LIN28B: variants seen among roughly 807,000 people sequenced by gnomAD.
The protein encoded by LIN28B is lin-28 RNA binding posttranscriptional regulator B.
LIN28B carries 5 observed loss-of-function variants against 21.9 expected under a neutral mutation model. That is an observed-to-expected ratio of 0.23 (90% CI 0.12 to 0.48). The LOEUF (loss-of-function observed/expected upper bound fraction) is 0.48. Ranked by LOEUF, LIN28B falls within the 20% of genes least tolerant of loss-of-function variation. The probability of loss-of-function intolerance (pLI) is 0.98; values close to 1 mark genes in which losing one functional copy is unlikely to be tolerated. For synonymous variants in LIN28B, 109 were observed against 111.3 expected (o/e 0.98, Z 0.13); for missense variants, 245 against 310.5 (o/e 0.79, Z 1.58).
chr6:105,012,680 G>A (rs2114311763), intron 2 of LIN28B, among the ~76,000 whole-genome samples: 1 of 152,204 alleles, frequency 6.6e-6, no homozygotes, highest in South Asian at 2.1e-4. Flanking sequence ...TTGCTCAGTA[G>A]TATTGTACAT....
At chr6:105,019,441 A>G (rs1014652022) in intron 2 of LIN28B, among the ~76,000 whole-genome samples, 1 of 152,182 alleles carries the variant, frequency 6.6e-6, no homozygotes, top group African/African-American at 2.4e-5. Flanking sequence ...TATTTCCTTC[A>G]GTCTCTTTAG....
Position 104,950,771 on chromosome 6 carries a change from A to G in LIN28B, c.67+262A>G, listed in dbSNP as rs1438145102. 3.3e-5 allele frequency among the ~76,000 whole-genome samples: 5 copies of G among 150,122 alleles called. No homozygotes were observed. In the Admixed American group the frequency reaches 3.3e-4, roughly 10 times the overall value. Reference sequence around the variant, plus strand: ...ACTTTTAGCAGTATTGTATTTTGTGATTCCTTTTTCTGTAACTCAAGCAGC... The same window carrying G: ...ACTTTTAGCAGTATTGTATTTTGTGGTTCCTTTTTCTGTAACTCAAGCAGC... On this transcript the variant is annotated intron_variant, in intron 3 of 5. Coordinates refer to the LIN28B transcript ENST00000635857.
intron 3 of LIN28B, among the ~76,000 whole-genome samples, chr6:105,048,491 G>A (rs1057253522): frequency 6.6e-6 from 1 of 152,130 alleles, no homozygotes; most frequent in African/African-American, 2.4e-5. Context: ...TTTTTGTTGT[G>A]TCTCTGTCAG....
chr6:105,030,592 CTTTTTTTTTTTT>C (rs980799980), intron 3 of LIN28B, among the ~76,000 whole-genome samples: 15 of 106,580 alleles, frequency 1.4e-4, no homozygotes, highest in African/African-American at 5.4e-4. Flanking sequence ...TTCTTTCTTT[CTTTTTTTTTTTT>C]TTTTTTTTTG....
rs571021569 is a variant in LIN28B at position 105,076,658 on chromosome 6, A to G, written c.384-1756A>G. Among the ~76,000 whole-genome samples, 5 of 152,028 alleles carry G rather than the reference A, an allele frequency of 3.3e-5. 1 individual carries two copies. The South Asian group carries it at 1.0e-3, about 32-fold the overall frequency. On this transcript the variant is annotated intron_variant, in intron 3 of 3. Coordinates refer to ENST00000345080, the MANE Select transcript of LIN28B (RefSeq NM_001004317.4). Reference sequence around the variant, plus strand: ...GAGTCTCACTCTGTCGCCAGGCTGGAGTGCAGTGGCGCAATCTCGGCTTAC... The same window carrying G: ...GAGTCTCACTCTGTCGCCAGGCTGGGGTGCAGTGGCGCAATCTCGGCTTAC...
intron 3 of LIN28B, among the ~76,000 whole-genome samples, chr6:105,061,247 T>G (rs1772116189): frequency 1.3e-5 from 2 of 152,152 alleles, no homozygotes; most frequent in African/African-American, 4.8e-5. Context: ...ATTAAATATT[T>G]AGACAGTGAA....
chr6:104,937,294 C>T (rs1273138211), intron 2 of LIN28B, among the ~76,000 whole-genome samples: 1 of 152,098 alleles, frequency 6.6e-6, no homozygotes, highest in Non-Finnish European at 1.5e-5. Context: ...CCACCACGCC[C>T]AGCTAGTATT....
intron 3 of LIN28B, among the ~76,000 whole-genome samples, chr6:105,042,129 C>CA (rs2114367455): frequency 6.6e-6 from 1 of 152,186 alleles, no homozygotes; most frequent in South Asian, 2.1e-4. Context: ...GGTGAACTCC[C>CA]ACCCCCATCT....
chr6:104,974,864 G>C (rs930025716), intron 2 of LIN28B, among the ~76,000 whole-genome samples: 17 of 151,992 alleles, frequency 1.1e-4, no homozygotes, highest in Admixed American at 1.1e-3. Flanking sequence ...CTGTTGCCCA[G>C]GCTGGAGTGC....
intron 3 of LIN28B, among the ~76,000 whole-genome samples, chr6:105,063,331 G>T (rs1404828095): frequency 4.6e-5 from 7 of 152,100 alleles, no homozygotes; most frequent in Admixed American, 2.0e-4. Flanking sequence ...AAAAGAAAAA[G>T]ATTATAAAAA....
intron 2 of LIN28B, among the ~76,000 whole-genome samples, chr6:104,982,654 T>C (rs1396428661): frequency 1.3e-5 from 2 of 152,168 alleles, no homozygotes; most frequent in Non-Finnish European, 2.9e-5. Flanking sequence ...TCATGGGCCA[T>C]ATGTGGTTGC....
intron 2 of LIN28B, among the ~76,000 whole-genome samples, chr6:104,950,189 G>A (rs994168534): frequency 1.3e-5 from 2 of 152,010 alleles, no homozygotes; most frequent in South Asian, 2.1e-4. Flanking sequence ...TGCATTGTTC[G>A]TGATATTGGG....
At chr6:104,979,811 A>G (rs1052318042) in intron 2 of LIN28B, among the ~76,000 whole-genome samples, 2 of 152,240 alleles carry the variant, frequency 1.3e-5, no homozygotes, top group African/African-American at 2.4e-5. Context: ...ATATTTGTAG[A>G]TGAAGTATAC....
At chr6:105,009,385 G>C (rs1215231735) in intron 2 of LIN28B, among the ~76,000 whole-genome samples, 1 of 152,096 alleles carries the variant, frequency 6.6e-6, no homozygotes, top group Non-Finnish European at 1.5e-5. Flanking sequence ...TTTAAAGATA[G>C]AACAGTTTCA....
At chr6:105,017,543 T>A (rs1027384725) in intron 2 of LIN28B, among the ~76,000 whole-genome samples, 2 of 152,214 alleles carry the variant, frequency 1.3e-5, no homozygotes, top group Non-Finnish European at 2.9e-5. Context: ...TCCTGAAATA[T>A]ATTATCCCTA....
chr6:105,057,576 C>G (rs545380674), intron 3 of LIN28B, among the ~76,000 whole-genome samples: 7 of 152,108 alleles, frequency 4.6e-5, no homozygotes, highest in Non-Finnish European at 1.0e-4. Context: ...TTAGTATCCC[C>G]GTGTACCTCT....
At chr6:105,076,663 A>G (rs1772430245) in intron 3 of LIN28B, among the ~76,000 whole-genome samples, 1 of 151,954 alleles carries the variant, frequency 6.6e-6, no homozygotes, top group South Asian at 2.1e-4. Context: ...GCTGGAGTGC[A>G]GTGGCGCAAT....
intron 3 of LIN28B, among the ~76,000 whole-genome samples, chr6:105,027,110 A>G (rs903899956): frequency 5.9e-5 from 9 of 152,194 alleles, no homozygotes; most frequent in Non-Finnish European, 1.3e-4. Context: ...GAATTGATCA[A>G]TAACACCACT....
intron 3 of LIN28B, among the ~76,000 whole-genome samples, chr6:105,051,009 G>T (rs948062882): frequency 6.6e-6 from 1 of 150,998 alleles, no homozygotes; most frequent in African/African-American, 2.5e-5. Flanking sequence ...GAGACCAGGA[G>T]TTTGAGACCA....
Sources: gnomAD v4.1 joint callset for allele counts (sites outside exome capture counted in the v4.1 genomes callset) on GRCh38, gnomAD v4.1.1 for gene constraint, MANE v1.5 for transcripts, NCBI Gene and HGNC (gene_info 2026-07-23, HGNC 2026-07-21) for gene names.